Variants in KDM1B observed in about 807,000 individuals in gnomAD.
The protein encoded by KDM1B is lysine demethylase 1B, also known as lysine-specific histone demethylase 2.
A neutral mutation model predicts 107.4 loss-of-function variants in KDM1B; 63 were observed. The observed-to-expected ratio is 0.59, with a 90% CI of 0.48 to 0.72. KDM1B has a LOEUF of 0.72. KDM1B is among the 30% of genes least tolerant of loss of function. The pLI, the probability that KDM1B is intolerant of heterozygous loss-of-function variation, is 0.00. For missense variants in KDM1B, 749 were observed against 1,020.8 expected (o/e 0.73, Z 3.63); for synonymous variants, 363 against 363.9 (o/e 1.00, Z 0.03).
At chr6:18,192,089 C>T (rs773903960) in intron 10 of KDM1B, among the ~76,000 whole-genome samples, 1 of 151,422 alleles carries the variant, frequency 6.6e-6, no homozygotes, top group Non-Finnish European at 1.5e-5. Context: ...TGAGACCCCC[C>T]CATCTCTACA....
chr6:18,157,808 C>CTTTTTTTTTTTTTTTTTT (rs67631382), intron 2 of KDM1B, among the ~76,000 whole-genome samples: 1 of 115,634 alleles, frequency 8.6e-6, no homozygotes, highest in Non-Finnish European at 1.7e-5. Context: ...GTAGATAGTC[C>CTTTTTTTTTTTTTTTTTT]TTTTTTTTTT....
intron 7 of KDM1B, among the ~76,000 whole-genome samples, chr6:18,184,168 A>G (rs1020011215): frequency 1.3e-5 from 2 of 150,908 alleles, no homozygotes; most frequent in African/African-American, 4.9e-5. Context: ...TAGAGTAACT[A>G]CCTACTTTTC....
intron 21 of KDM1B, among the ~76,000 whole-genome samples, chr6:18,219,781 T>TTCCCAAACATCAC (rs1365327056): frequency 6.6e-6 from 1 of 152,208 alleles, no homozygotes; most frequent in African/African-American, 2.4e-5. Context: ...AGTGGCCGGA[T>TTCCCAAACATCAC]TCCCAAACAT....
At position 18,213,914 on chromosome 6, in the gene KDM1B, A is replaced by T. The variant is rs769121191; in HGVS notation, c.2109+133A>T. On this transcript the variant is annotated intron_variant, in intron 19 of 21. Coordinates refer to ENST00000650836, the MANE Select transcript of KDM1B (RefSeq NM_001364614.2). This position sits in a 1 kb window ranked among gnomAD's most constrained non-coding sequence, Gnocchi z 5.9. ...CCTGGGTCTATGTTTATATTCTGGG[A>T]GGACACTTGGACTGGACATTTTCCT... 1.1e-5 allele frequency: 11 copies of T among 987,488 alleles called. No individual in the cohort carries two copies. Among genetic ancestry groups the T allele is most frequent in the African/African-American group, 1.6e-5 (1 of 61,976 alleles). The allele number at this position is 987,488 out of a possible 1,614,324, so 61.2% of individuals were successfully genotyped here. A position where few individuals can be genotyped will look rare whatever the true frequency, so the allele number is the denominator to read the frequency against.
At chr6:18,221,761 CCA>C (rs1376483817) in intron 21 of KDM1B, 146 bp from the exon 22 acceptor site, 3 of 647,158 alleles carry the variant, frequency 4.6e-6, no homozygotes, top group Non-Finnish European at 8.1e-6. Flanking sequence ...CAGAAAAGTT[CCA>C]GTGTTACGAT....
rs933909223 is a variant in KDM1B, at chr6:18,213,134, G to A, written c.1984-522G>A. On this transcript the variant is annotated intron_variant, in intron 18 of 21. Transcript: ENST00000650836. This position sits in a 1 kb window ranked among gnomAD's most constrained non-coding sequence, Gnocchi z 5.9. ...ATTATCCATGGGAATGGAACTGAGT[G>A]GCATCAAAAGCAAGGAGCTGGGCTG... Among the ~76,000 whole-genome samples, 4 of 152,044 alleles carry A rather than the reference G, an allele frequency of 2.6e-5. No homozygotes were observed. The highest frequency in any genetic ancestry group is 9.7e-5 in the African/African-American group (4 of 41,412).
rs144521010 is a variant in KDM1B at position 18,215,051 on chromosome 6, C to A, written c.2154C>A (p.Val718=). The change falls in exon 20 of 22, where the codon GTC becomes GTA. Residue 718 remains valine, a synonymous_variant. Coordinates refer to ENST00000650836, the MANE Select transcript of KDM1B (RefSeq NM_001364614.2). ...VLMSVIAGEA[V]ASVRTLDDKQ... ...TGTCTGTGATTGCCGGGGAGGCTGT[C>A]GCATCCGTGAGGACCCTGGATGACA... The A allele has an allele frequency of 2.5e-6, 4 of 1,613,882 alleles. No individual in the cohort carries two copies. The highest frequency in any genetic ancestry group is 2.5e-6 in the Non-Finnish European group (3 of 1,179,982).
intron 10 of KDM1B, among the ~76,000 whole-genome samples, chr6:18,195,414 T>C (rs1266767767): frequency 6.6e-6 from 1 of 152,188 alleles, no homozygotes; most frequent in Non-Finnish European, 1.5e-5. Context: ...ATTTATCGTG[T>C]ACAATCTGAT....
chr6:18,177,572 T>A (rs1786106177), intron 7 of KDM1B, among the ~76,000 whole-genome samples: 1 of 151,870 alleles, frequency 6.6e-6, no homozygotes, highest in Non-Finnish European at 1.5e-5. Flanking sequence ...TATTTATTTT[T>A]AATTTTAAAA....
intron 7 of KDM1B, among the ~76,000 whole-genome samples, chr6:18,183,084 A>G (rs1264346389): frequency 6.6e-6 from 1 of 152,094 alleles, no homozygotes; most frequent in Non-Finnish European, 1.5e-5. Context: ...AAGAGTTATA[A>G]TTTATATGTA....
intron 5 of KDM1B, among the ~76,000 whole-genome samples, chr6:18,164,321 C>G (rs12665237): frequency 0.074 from 11,288 of 151,866 alleles, 566 homozygotes; most frequent in South Asian, 0.17. Flanking sequence ...AGAGACAGGA[C>G]TTCATCATGT....
chr6:18,207,634 GC>G (rs1788477619), intron 16 of KDM1B, 105 bp downstream of exon 16: 4 of 1,410,396 alleles, frequency 2.8e-6, no homozygotes, highest in Non-Finnish European at 4.0e-6. Flanking sequence ...TTGGTGTTTA[GC>G]CAGGGTCTAG....
At chr6:18,167,086 G>GTGGCTCA (rs1297401536) in intron 6 of KDM1B, among the ~76,000 whole-genome samples, 1 of 152,072 alleles carries the variant, frequency 6.6e-6, no homozygotes, top group Non-Finnish European at 1.5e-5. Context: ...GGCCAGGGCT[G>GTGGCTCA]TGGCTCACAC....
chr6:18,168,790 G>A (rs539223682), intron 6 of KDM1B, among the ~76,000 whole-genome samples: 1 of 152,144 alleles, frequency 6.6e-6, no homozygotes, highest in Non-Finnish European at 1.5e-5. Context: ...TTTCCCTAAT[G>A]ACTAATGCAA....
In KDM1B at chr6:18,209,240, G is replaced by C. The variant is rs1363680583; in HGVS notation, c.1866+1034G>C. 6.6e-6 allele frequency among the ~76,000 whole-genome samples: 1 copy of C among 152,210 alleles called. No individual in the cohort carries two copies. The highest frequency in any genetic ancestry group is 1.5e-5 in the Non-Finnish European group (1 of 68,034). On this transcript the variant is annotated intron_variant, in intron 17 of 21. Transcript: ENST00000650836. This position sits in a 1 kb window ranked among gnomAD's most constrained non-coding sequence, Gnocchi z 4.3. ...AGAATAAAGGTGCCTCCTTGGGGTA[G>C]AGGGGATTTAGTAAACCTTGAAAAT...
chr6:18,219,474 A>G (rs1789509923), intron 21 of KDM1B, among the ~76,000 whole-genome samples: 1 of 152,186 alleles, frequency 6.6e-6, no homozygotes, highest in African/African-American at 2.4e-5. Context: ...AAAATCGTCC[A>G]ACTCTAATTG....
Position 18,159,771 on chromosome 6 carries a change from T to G in KDM1B, c.-13-112T>G. ...AAAGAAAGAAAACTGTAGCTTTGTATTTAGGCAATCTGACATACATTCTTA... is the reference window on the plus strand; with the variant it reads ...AAAGAAAGAAAACTGTAGCTTTGTAGTTAGGCAATCTGACATACATTCTTA... On this transcript the variant is annotated intron_variant, in intron 2 of 21. Transcript: ENST00000650836. This position sits in a 1 kb window ranked among gnomAD's most constrained non-coding sequence, Gnocchi z 4.5. The G allele has an allele frequency of 1.6e-6, 1 of 642,756 alleles. No homozygotes were observed. Among genetic ancestry groups the G allele is most frequent in the Non-Finnish European group, 2.7e-6 (1 of 368,864 alleles). 39.8% of individuals were successfully genotyped at this position (642,756 alleles called of 1,614,324 possible).
intron 17 of KDM1B, among the ~76,000 whole-genome samples, chr6:18,210,354 T>TTTTTTTTTG (rs2151014758): frequency 2.1e-5 from 1 of 47,694 alleles, no homozygotes; most frequent in Non-Finnish European, 4.0e-5. Context: ...TTTTTTTTTT[T>TTTTTTTTTG]TTTTTTTTTT....
Position 18,168,107 on chromosome 6 carries a change from C to T in KDM1B, c.417+1729C>T, listed in dbSNP as rs139066696. On this transcript the variant is annotated intron_variant, in intron 6 of 21. Coordinates refer to ENST00000650836, the MANE Select transcript of KDM1B (RefSeq NM_001364614.2). The stretch of plus-strand genomic sequence containing the variant: ...TATAAGTAATGCTGAGCTTTGTGCA[C>T]GCTTAAAGATTTTTTCATTGAAGTA... 3.2e-4 allele frequency among the ~76,000 whole-genome samples: 49 copies of T among 152,218 alleles called. 1 individual carries two copies. The highest frequency in any genetic ancestry group is 5.0e-4 in the Non-Finnish European group (34 of 68,018).
Sources: allele counts gnomAD v4.1 joint callset (sites outside exome capture counted in the v4.1 genomes callset), GRCh38; gene constraint gnomAD v4.1.1; non-coding constraint Gnocchi (gnomAD v3.1); transcripts MANE v1.5; gene names NCBI Gene and HGNC (gene_info 2026-07-23, HGNC 2026-07-21).